ADAMTS19: variants seen among roughly 807,000 people sequenced by gnomAD.
ADAMTS19 encodes A disintegrin and metalloproteinase with thrombospondin motifs 19.
ADAMTS19 carries 93 observed loss-of-function variants against 153.3 expected under a neutral mutation model. That is an observed-to-expected ratio of 0.61 (90% CI 0.51 to 0.72). The LOEUF is 0.72. ADAMTS19 is among the 30% of genes least tolerant of loss of function. ADAMTS19 has a pLI of 0.00. For missense variants in ADAMTS19, 1,482 were observed against 1,552.1 expected, an observed-to-expected ratio of 0.95 and a Z score of 0.76; for synonymous variants, 600 against 556.6, an observed-to-expected ratio of 1.08 and a Z score of -1.10.
intron 7 of ADAMTS19, among the ~76,000 whole-genome samples, chr5:129,563,573 A>G (rs1290054599): frequency 1.3e-5 from 2 of 152,214 alleles, no homozygotes. Flanking sequence ...CTAGTGGGAC[A>G]TATACTTTTG....
At chr5:129,647,977 G>T (rs557356935) in intron 12 of ADAMTS19, 82 bp downstream of exon 12, 8 of 1,447,398 alleles carry the variant, frequency 5.5e-6, no homozygotes, top group African/African-American at 2.8e-5. Flanking sequence ...ATGTTGGAAA[G>T]CAAAAGAAGC....
chr5:129,712,339 T>C (rs1756521660), intron 21 of ADAMTS19, among the ~76,000 whole-genome samples: 1 of 152,176 alleles, frequency 6.6e-6, no homozygotes, highest in South Asian at 2.1e-4. Flanking sequence ...TCCCAAGATA[T>C]CCTAAAAAAG....
chr5:129,497,396 G>A (rs947701580), intron 2 of ADAMTS19, among the ~76,000 whole-genome samples: 1 of 151,972 alleles, frequency 6.6e-6, no homozygotes. Context: ...TTCAGTCTTA[G>A]GGACTGAAAA....
At chr5:129,534,845 C>G (rs1016405701) in intron 6 of ADAMTS19, among the ~76,000 whole-genome samples, 11 of 152,252 alleles carry the variant, frequency 7.2e-5, no homozygotes, top group African/African-American at 2.6e-4. Context: ...TCAATAGATG[C>G]AGAAAAGGCC....
At chr5:129,724,985 G>C (rs912430508) in intron 21 of ADAMTS19, among the ~76,000 whole-genome samples, 1 of 152,070 alleles carries the variant, frequency 6.6e-6, no homozygotes, top group Non-Finnish European at 1.5e-5. Flanking sequence ...TTTCCTATTG[G>C]CACAGTTGCC....
intron 14 of ADAMTS19, among the ~76,000 whole-genome samples, chr5:129,654,905 CATTTT>C (rs894129919): frequency 1.3e-5 from 2 of 152,038 alleles, no homozygotes; most frequent in Non-Finnish European, 2.9e-5. Context: ...CTTTAATAAA[CATTTT>C]ATTTGCTTTT....
intron 16 of ADAMTS19, among the ~76,000 whole-genome samples, chr5:129,668,823 T>A (rs1026882576): frequency 1.3e-5 from 2 of 152,150 alleles, no homozygotes; most frequent in African/African-American, 4.8e-5. Context: ...TTCAGTTAAT[T>A]CAGTGGCATT....
intron 21 of ADAMTS19, among the ~76,000 whole-genome samples, chr5:129,721,128 T>C (rs1225047489): frequency 6.6e-6 from 1 of 152,234 alleles, no homozygotes; most frequent in African/African-American, 2.4e-5. Context: ...CACGTTTTAC[T>C]TATTTCAGTA....
chr5:129,542,629 G>T (rs767895982), intron 6 of ADAMTS19, among the ~76,000 whole-genome samples: 1 of 152,052 alleles, frequency 6.6e-6, no homozygotes, highest in African/African-American at 2.4e-5. Context: ...TTTAGGGTAG[G>T]ACAGCTATAG....
intron 2 of ADAMTS19, among the ~76,000 whole-genome samples, chr5:129,508,193 A>G (rs1751325742): frequency 6.6e-6 from 1 of 152,000 alleles, no homozygotes; most frequent in Non-Finnish European, 1.5e-5. Flanking sequence ...TACAGGTTTT[A>G]GTATATGATT....
intron 7 of ADAMTS19, among the ~76,000 whole-genome samples, chr5:129,595,839 T>C (rs1380664416): frequency 6.6e-6 from 1 of 152,108 alleles, no homozygotes; most frequent in Non-Finnish European, 1.5e-5. Flanking sequence ...TTCAAGTATA[T>C]GTCTTCATTA....
chr5:129,592,824 T>C (rs1441798014), intron 7 of ADAMTS19, among the ~76,000 whole-genome samples: 3 of 152,210 alleles, frequency 2.0e-5, no homozygotes, highest in Non-Finnish European at 2.9e-5. Context: ...TATAAGACTT[T>C]AATTTTCTCA....
chr5:129,651,797 A>G (rs1753328032), intron 13 of ADAMTS19, among the ~76,000 whole-genome samples: 1 of 152,142 alleles, frequency 6.6e-6, no homozygotes, highest in Admixed American at 6.5e-5. Context: ...CATCTACTGT[A>G]TATTAAGTGT....
intron 6 of ADAMTS19, among the ~76,000 whole-genome samples, chr5:129,541,672 C>T (rs2126800062): frequency 6.6e-6 from 1 of 152,194 alleles, no homozygotes; most frequent in South Asian, 2.1e-4. Context: ...TTACCCACTT[C>T]TGTGCCTTTC....
At position 129,735,012 on chromosome 5, in the gene ADAMTS19, A is replaced by C; in HGVS notation, c.3393A>C (p.Glu1131Asp). The change falls in exon 22 of 23, where the codon GAA (glutamate) becomes GAC (aspartate). Residue 1131 changes from glutamate to aspartate, a missense_variant. Glu to Asp is a conservative substitution (Grantham distance 45). Around this residue, in one of 2 missense-constraint regions of ADAMTS19, gnomAD observed 616 missense variants for 724.4 expected, o/e 0.85. Transcript: ENST00000274487. ...AGATCACAGGAAGACATGGAAATGA[A>C]TGTTTTTCCTCAGAAAAACCTGCAG... ...MHKITGRHGN[E>D]CFSSEKPAAY... 1 of 1,612,338 alleles carries C rather than the reference A, an allele frequency of 6.2e-7. No individual in the cohort carries two copies. Among genetic ancestry groups the C allele is most frequent in the Non-Finnish European group, 8.5e-7 (1 of 1,178,950 alleles).
chr5:129,653,566 A>G (rs1231425266), intron 13 of ADAMTS19, among the ~76,000 whole-genome samples: 14 of 152,206 alleles, frequency 9.2e-5, no homozygotes, highest in Admixed American at 9.2e-4. Flanking sequence ...ACACAACGAC[A>G]TGGTTTCTGC....
At chr5:129,662,576 G>C (rs1414458260) in intron 15 of ADAMTS19, among the ~76,000 whole-genome samples, 1 of 152,140 alleles carries the variant, frequency 6.6e-6, no homozygotes, top group East Asian at 1.9e-4. Flanking sequence ...ATACCTCAGA[G>C]AGTACTATTA....
intron 21 of ADAMTS19, among the ~76,000 whole-genome samples, chr5:129,712,877 G>A (rs1756546395): frequency 6.6e-6 from 1 of 152,078 alleles, no homozygotes; most frequent in African/African-American, 2.4e-5. Flanking sequence ...ACATACATAA[G>A]TATAAATGCA....
chr5:129,521,963 G>A (rs1347847033), intron 3 of ADAMTS19, among the ~76,000 whole-genome samples: 1 of 152,030 alleles, frequency 6.6e-6, no homozygotes, highest in Non-Finnish European at 1.5e-5. Flanking sequence ...ACAGGAAGGT[G>A]ATAACTGGAA....
Sources: allele counts gnomAD v4.1 joint callset (sites outside exome capture counted in the v4.1 genomes callset), GRCh38; gene constraint gnomAD v4.1.1; regional missense constraint gnomAD v4.1.1; transcripts MANE v1.5; gene names NCBI Gene and HGNC (gene_info 2026-07-23, HGNC 2026-07-21).